The following TLK2 variants were observed in gnomAD, a reference collection of about 807,000 sequenced individuals.
TLK2 encodes the protein tousled like kinase 2.
In TLK2, 6 loss-of-function variants were observed where a neutral mutation model predicts 117.3. The observed-to-expected ratio is 0.05, with a 90% confidence interval of 0.03 to 0.10. The LOEUF (loss-of-function observed/expected upper bound fraction) is 0.10, where lower values mean the gene tolerates loss of function less well. Ranked by LOEUF, TLK2 falls within the 10% of genes least tolerant of loss-of-function variation. The pLI is 1.00. For synonymous variants in TLK2, 257 were observed against 316.7 expected (o/e 0.81, Z 2.00); for missense variants, 299 against 901.2 (o/e 0.33, Z 8.56).
At chr17:62,549,419 A>AAAAAAAAAAAAG (rs2078238280) in intron 7 of TLK2, among the ~76,000 whole-genome samples, 1 of 7,746 alleles carries the variant, frequency 1.3e-4, no homozygotes, top group Non-Finnish European at 4.8e-4. Flanking sequence ...AAAAAAAAAA[A>AAAAAAAAAAAAG]AAAAAAAAAA....
chr17:62,596,459 G>A (rs2082488669), intron 16 of TLK2, 126 bp from the exon 17 acceptor site: 3 of 698,880 alleles, frequency 4.3e-6, no homozygotes, highest in Admixed American at 4.6e-5. Context: ...TGAGGGACCA[G>A]ATGGACCTGA....
At chr17:62,565,380 C>T (rs886991474) in intron 11 of TLK2, among the ~76,000 whole-genome samples, 1 of 152,006 alleles carries the variant, frequency 6.6e-6, no homozygotes, top group Non-Finnish European at 1.5e-5. Flanking sequence ...TCAGGCCAGG[C>T]GCGGTGGCTC....
In TLK2 at chr17:62,612,525, C is replaced by T; in HGVS notation, c.2213C>T (p.Ala738Val). Residue 738 changes from alanine (A) to valine (V), a missense_variant, in exon 22 of 22, where the codon GCA becomes GTA. This residue lies in a region of TLK2 where 19 missense variants were observed against 29.2 expected (regional missense o/e 0.65). Transcript: ENST00000346027. Reference protein sequence around the residue: ...STSSPAGAAIASTSGASNNSS... With the variant: ...STSSPAGAAIVSTSGASNNSS... ...AGTAGCCCTGCTGGAGCTGCTATTG[C>T]ATCAACCTCTGGGGCGTCCAATAAC... is the stretch of plus-strand genomic sequence containing the variant. 1 of 1,614,166 alleles carries T rather than the reference C, an allele frequency of 6.2e-7. No homozygotes were observed. Among genetic ancestry groups the T allele is most frequent in the Non-Finnish European group, 8.5e-7 (1 of 1,180,008 alleles).
At chr17:62,591,673 T>C (rs2082093963) in intron 16 of TLK2, among the ~76,000 whole-genome samples, 1 of 152,212 alleles carries the variant, frequency 6.6e-6, no homozygotes, top group East Asian at 1.9e-4. Context: ...CCAAATAGTT[T>C]CCATTGGGGA....
At chr17:62,484,194 G>A (rs1359712039) in intron 2 of TLK2, among the ~76,000 whole-genome samples, 1 of 151,964 alleles carries the variant, frequency 6.6e-6, no homozygotes. Context: ...TGTTATTTGA[G>A]GACTAGCAGG....
intron 15 of TLK2, among the ~76,000 whole-genome samples, chr17:62,585,164 G>A (rs1428464188): frequency 2.6e-5 from 4 of 152,342 alleles, no homozygotes; most frequent in African/African-American, 9.6e-5. Context: ...GGCAGTGGTG[G>A]CCATTGGGGA....
intron 21 of TLK2, among the ~76,000 whole-genome samples, chr17:62,609,378 C>T (rs1305266463): frequency 6.6e-6 from 1 of 152,202 alleles, no homozygotes; most frequent in Admixed American, 6.5e-5. Flanking sequence ...CCACTGTGCC[C>T]AGCCAGTTAC....
chr17:62,565,020 C>A lies in TLK2; in HGVS notation c.851C>A (p.Ala284Glu). ...CCTAAGTCAAAACAAGAGAAGATGG[C>A]GTGTAGAGATAAGAGCATGCAAGAC... The part of the protein sequence containing the change: ...LIEKSKQEKM[A>E]CRDKSMQDRL... The change falls in exon 11 of 22, where the codon GCG becomes GAG. Residue 284 changes from alanine to glutamate, a missense_variant. Physicochemically the swap from Ala to Glu is moderately radical, Grantham distance 107. This residue lies in a region of TLK2 where 94 missense variants were observed against 282.6 expected (regional missense o/e 0.33). Coordinates refer to ENST00000346027, the MANE Select transcript of TLK2 (RefSeq NM_006852.6). 6.2e-7 allele frequency: 1 copy of A among 1,611,464 alleles called. No individual in the cohort carries two copies. Among genetic ancestry groups the A allele is most frequent in the Non-Finnish European group, 8.5e-7 (1 of 1,179,400 alleles).
rs76595319 is a variant in TLK2 at position 62,609,563 on chromosome 17, T to C, written c.2079+1415T>C. Among the ~76,000 whole-genome samples the C allele has an allele frequency of 5.5e-4, 84 of 152,324 alleles. 2 individuals are homozygous for C. In the East Asian group the frequency reaches 0.016, roughly 29 times the overall value. The stretch of plus-strand genomic sequence containing the variant: ...CCTGACTGATGGCTCCCTGTCCCCA[T>C]TGTTCAACAGTTTAAGTACTGCATA... On this transcript the variant is annotated intron_variant, in intron 21 of 21. Transcript: ENST00000346027.
intron 2 of TLK2, among the ~76,000 whole-genome samples, chr17:62,485,299 G>C (rs2072206774): frequency 6.6e-6 from 1 of 152,168 alleles, no homozygotes; most frequent in Non-Finnish European, 1.5e-5. Flanking sequence ...GGACAAGAGT[G>C]TTACAAGTAG....
At chr17:62,515,115 G>A (rs537919754) in intron 2 of TLK2, among the ~76,000 whole-genome samples, 57 of 152,258 alleles carry the variant, frequency 3.7e-4, no homozygotes, top group African/African-American at 1.3e-3. Context: ...CTATCACAAA[G>A]TATTTGTCTT....
At chr17:62,569,127 A>C (rs2080056109) in intron 11 of TLK2, among the ~76,000 whole-genome samples, 1 of 151,446 alleles carries the variant, frequency 6.6e-6, no homozygotes. Flanking sequence ...CAACATGGTG[A>C]AACCCCTTCT....
intron 16 of TLK2, among the ~76,000 whole-genome samples, chr17:62,586,497 A>G (rs2081613614): frequency 6.6e-6 from 1 of 152,124 alleles, no homozygotes; most frequent in Non-Finnish European, 1.5e-5. Context: ...CTTTGTGGCT[A>G]GAAATAGCTA....
Position 62,549,398 on chromosome 17 carries a change from CAAAAAAAAAA to C in TLK2, c.532-2874_532-2865del, listed in dbSNP as rs777779302. Among the ~76,000 whole-genome samples, 43 of 37,102 alleles carry C rather than the reference CAAAAAAAAAA, an allele frequency of 1.2e-3. 2 individuals carry two copies. The highest frequency in any genetic ancestry group is 1.6e-3 in the Non-Finnish European group (31 of 19,738). 24.3% of individuals were successfully genotyped at this position (37,102 alleles called of 152,430 possible). The stretch of plus-strand genomic sequence containing the variant: ...TAAGTGACAGAGCAAGACTCCATCT[CAAAAAAAAAA>C]AAAAAAAAAAAAAAAAAAAAAAAAA... On this transcript the variant is annotated intron_variant, in intron 7 of 21. Coordinates refer to ENST00000346027, the MANE Select transcript of TLK2 (RefSeq NM_006852.6).
At chr17:62,589,877 A>T (rs1055963073) in intron 16 of TLK2, among the ~76,000 whole-genome samples, 2 of 151,356 alleles carry the variant, frequency 1.3e-5, no homozygotes, top group Non-Finnish European at 2.9e-5. Flanking sequence ...CGCGATCTCC[A>T]CTCACTGCAA....
At chr17:62,551,188 ATAGT>A (rs1385760749) in intron 7 of TLK2, among the ~76,000 whole-genome samples, 3 of 152,210 alleles carry the variant, frequency 2.0e-5, no homozygotes, top group Non-Finnish European at 4.4e-5. Context: ...AACTTGTTCA[ATAGT>A]TGGTGGTTAT....
At chr17:62,478,687 C>A (rs1401092759), upstream of TLK2, among the ~76,000 whole-genome samples, 17 of 76,958 alleles carry the variant, frequency 2.2e-4, no homozygotes, top group African/African-American at 5.1e-4. Context: ...AGCGGGGACC[C>A]CCCCCCACCT....
intron 2 of TLK2, among the ~76,000 whole-genome samples, chr17:62,512,861 A>AATT (rs35048188): frequency 0.28 from 39,803 of 140,896 alleles, 5,978 homozygotes; most frequent in Admixed American, 0.36. Flanking sequence ...AAAATTTATT[A>AATT]ATTATTATTA....
intron 20 of TLK2, among the ~76,000 whole-genome samples, chr17:62,606,922 TGTGTC>T (rs1286516897): frequency 3.5e-4 from 54 of 152,196 alleles, no homozygotes; most frequent in African/African-American, 1.3e-3. Context: ...GGGAGTTCTG[TGTGTC>T]CTTTGAATTC....
Sources: allele counts gnomAD v4.1 joint callset (sites outside exome capture counted in the v4.1 genomes callset), GRCh38; gene constraint gnomAD v4.1.1; regional missense constraint gnomAD v4.1.1; transcripts MANE v1.5; gene names NCBI Gene and HGNC (gene_info 2026-07-23, HGNC 2026-07-21).